Variants in NR5A2 observed in about 807,000 individuals in gnomAD.
NR5A2 encodes CYP7A promoter-binding factor.
NR5A2 carries 26 observed loss-of-function variants against 62.7 expected under a neutral mutation model. The observed-to-expected ratio is 0.41, with a 90% CI of 0.30 to 0.58. The LOEUF is 0.58. Among genes scored for constraint, NR5A2 ranks in the 20% least tolerant of loss-of-function variants. NR5A2 has a pLI of 0.22. For synonymous variants in NR5A2, 246 were observed against 241.7 expected, an observed-to-expected ratio of 1.02 and a Z score of -0.16; for missense variants, 541 against 669.1, an observed-to-expected ratio of 0.81 and a Z score of 2.11.
At position 200,174,716 on chromosome 1, in the gene NR5A2, C is replaced by G. The variant is rs2690034; in HGVS notation, c.*506C>G. 98,933 of 152,566 alleles carry G rather than the reference C, an allele frequency of 0.65. 32,615 individuals are homozygous for G. Among genetic ancestry groups the G allele is most frequent in the Non-Finnish European group, 0.7 (47,613 of 68,122 alleles). 9.5% of individuals were successfully genotyped at this position (152,566 alleles called of 1,614,324 possible). On this transcript the variant is annotated 3_prime_UTR_variant, in exon 8 of 8. Transcript: ENST00000367362. The stretch of plus-strand genomic sequence containing the variant: ...CCCCTCCCTCTTCCTTTGAAGGCCC[C>G]AGCACCTCTGCCCTGTGGTCACCGA...
Position 200,048,837 on chromosome 1 carries a change from C to T in NR5A2, c.1110+19C>T, listed in dbSNP as rs766518096. The stretch of plus-strand genomic sequence containing the variant: ...ACTTAAGGTATGCCACCAGCTATTA[C>T]AACTTACAGCACCCCTTTTAAGAGA... On this transcript the variant is annotated intron_variant, in intron 5 of 7. Transcript: ENST00000367362. This position sits in a 1 kb window ranked among gnomAD's most constrained non-coding sequence, Gnocchi z 4.8. 6.2e-7 allele frequency: 1 copy of T among 1,610,804 alleles called. No homozygotes were observed. Among genetic ancestry groups the T allele is most frequent in the South Asian group, 1.1e-5 (1 of 91,002 alleles).
intron 7 of NR5A2, among the ~76,000 whole-genome samples, chr1:200,151,007 C>G (rs1233196928): frequency 6.6e-6 from 1 of 152,170 alleles, no homozygotes; most frequent in Non-Finnish European, 1.5e-5. Flanking sequence ...TGTTTTTCCT[C>G]CCTGTTGTTT....
At chr1:200,123,032 G>A (rs1666545331) in intron 7 of NR5A2, among the ~76,000 whole-genome samples, 1 of 152,162 alleles carries the variant, frequency 6.6e-6, no homozygotes, top group South Asian at 2.1e-4. Context: ...GATTAAGGGT[G>A]AAATCATACC....
chr1:200,149,242 T>C (rs2102360748), intron 7 of NR5A2, among the ~76,000 whole-genome samples: 1 of 152,322 alleles, frequency 6.6e-6, no homozygotes, highest in South Asian at 2.1e-4. Flanking sequence ...CAGAGTCTAC[T>C]TTGCACTTCT....
intron 1 of NR5A2, among the ~76,000 whole-genome samples, chr1:200,028,352 T>A (rs576683696): frequency 6.6e-6 from 1 of 151,226 alleles, no homozygotes; most frequent in African/African-American, 2.4e-5. Context: ...AAGTATGGTG[T>A]CTTATTCTCT....
chr1:200,057,548 G>T (rs957211707), intron 5 of NR5A2: 1 of 311,760 alleles, frequency 3.2e-6, no homozygotes, highest in Non-Finnish European at 6.5e-6. Flanking sequence ...GCACGATCTT[G>T]GCTCATGGCA....
At chr1:200,143,704 G>A (rs1164493831) in intron 7 of NR5A2, among the ~76,000 whole-genome samples, 1 of 146,976 alleles carries the variant, frequency 6.8e-6, no homozygotes, top group African/African-American at 2.5e-5. Context: ...GTGCAGTGGT[G>A]CGATCTCGGC....
chr1:200,127,387 A>G (rs1424353064), intron 7 of NR5A2, among the ~76,000 whole-genome samples: 1 of 152,048 alleles, frequency 6.6e-6, no homozygotes, highest in Non-Finnish European at 1.5e-5. Context: ...AAAATACAGT[A>G]TCCAAAAGGC....
chr1:200,111,486 T>G (rs2737672), intron 6 of NR5A2, among the ~76,000 whole-genome samples, 165 bp downstream of exon 6: 151,737 of 152,340 alleles, frequency 1, 75,567 homozygotes, highest in East Asian at 1. Flanking sequence ...CTGCTCTGAT[T>G]ATTATAGTTA....
chr1:200,090,734 AC>A (rs1664774719), intron 5 of NR5A2, among the ~76,000 whole-genome samples: 3 of 152,146 alleles, frequency 2.0e-5, no homozygotes, highest in Admixed American at 1.3e-4. Context: ...TGGCTGTGAG[AC>A]TGTACTCCTG....
At chr1:200,151,351 T>G (rs1469768655) in intron 7 of NR5A2, among the ~76,000 whole-genome samples, 1 of 152,234 alleles carries the variant, frequency 6.6e-6, no homozygotes, top group Non-Finnish European at 1.5e-5. Flanking sequence ...CAGAGCATCA[T>G]GTATTCTGAT....
At chr1:200,096,688 C>T (rs923201559) in intron 5 of NR5A2, among the ~76,000 whole-genome samples, 2 of 152,174 alleles carry the variant, frequency 1.3e-5, no homozygotes, top group East Asian at 1.9e-4. Flanking sequence ...CACAGTACAT[C>T]GTGCACAGCA....
chr1:200,148,376 C>T, intron 7 of NR5A2: 2 of 155,038 alleles, frequency 1.3e-5, no homozygotes, highest in Non-Finnish European at 1.4e-5. Flanking sequence ...GGGAGGCACT[C>T]GGGCTGCCAG....
intron 5 of NR5A2, among the ~76,000 whole-genome samples, chr1:200,078,356 T>C (rs944263697): frequency 2.6e-5 from 4 of 152,210 alleles, no homozygotes; most frequent in Non-Finnish European, 5.9e-5. Flanking sequence ...TGCACTTGCC[T>C]GTCTCAACCA....
chr1:200,168,047 AAATG>A (rs527761743), intron 7 of NR5A2, among the ~76,000 whole-genome samples: 1,768 of 152,248 alleles, frequency 0.012, 18 homozygotes, highest in Non-Finnish European at 0.019. Context: ...CTGAATGAAT[AAATG>A]AATGAATGAA....
intron 5 of NR5A2, among the ~76,000 whole-genome samples, chr1:200,096,489 A>G (rs2737668): frequency 0.53 from 81,078 of 151,864 alleles, 22,733 homozygotes; most frequent in African/African-American, 0.71. Flanking sequence ...TGTGGTAACA[A>G]CCCTTCTCTA....
At chr1:200,151,609 T>C (rs146326686) in intron 7 of NR5A2, among the ~76,000 whole-genome samples, 1 of 152,348 alleles carries the variant, frequency 6.6e-6, no homozygotes, top group African/African-American at 2.4e-5. Flanking sequence ...TATCATATTC[T>C]ACATGGAAGC....
At chr1:200,125,153 C>T (rs1023249555) in intron 7 of NR5A2, among the ~76,000 whole-genome samples, 1 of 152,140 alleles carries the variant, frequency 6.6e-6, no homozygotes, top group Admixed American at 6.6e-5. Context: ...TTTGGGAAAG[C>T]TAACGTGAAG....
At chr1:200,111,570 A>C (rs1438684765) in intron 6 of NR5A2, among the ~76,000 whole-genome samples, 1 of 152,184 alleles carries the variant, frequency 6.6e-6, no homozygotes, top group Admixed American at 6.5e-5. Context: ...CCTGCTTACA[A>C]GGGTCCGAAG....
Sources: allele counts gnomAD v4.1 joint callset (sites outside exome capture counted in the v4.1 genomes callset), GRCh38; gene constraint gnomAD v4.1.1; non-coding constraint Gnocchi (gnomAD v3.1); transcripts MANE v1.5; gene names NCBI Gene and HGNC (gene_info 2026-07-23, HGNC 2026-07-21).